Variants in SLC25A12 observed in about 807,000 individuals in gnomAD.
The protein encoded by SLC25A12 is electrogenic aspartate/glutamate antiporter SLC25A12, mitochondrial.
In SLC25A12, 32 loss-of-function variants were observed where a neutral mutation model predicts 83.3. That is an observed-to-expected ratio of 0.38 (90% confidence interval 0.29 to 0.52). The LOEUF (loss-of-function observed/expected upper bound fraction) is 0.52, where lower values mean the gene tolerates loss of function less well. Among genes scored for constraint, SLC25A12 ranks in the 20% least tolerant of loss-of-function variants. The pLI is 0.84. For synonymous variants in SLC25A12, 267 were observed against 291.1 expected, an observed-to-expected ratio of 0.92 and a Z score of 0.84; for missense variants, 611 against 835.6, an observed-to-expected ratio of 0.73 and a Z score of 3.31.
At chr2:171,890,779 A>G (rs1475141514) in intron 2 of SLC25A12, among the ~76,000 whole-genome samples, 1 of 152,108 alleles carries the variant, frequency 6.6e-6, no homozygotes, top group African/African-American at 2.4e-5. Context: ...TACTGCACTC[A>G]GCCTATATTG....
chr2:171,893,798 G>A (rs1183010412), intron 1 of SLC25A12, among the ~76,000 whole-genome samples: 2 of 152,040 alleles, frequency 1.3e-5, no homozygotes, highest in African/African-American at 4.8e-5. Context: ...CGGCCTTATT[G>A]AGGCCCCAAA....
chr2:171,837,180 T>C lies in SLC25A12; in HGVS notation c.553A>G (p.Ile185Val). 1 of 1,614,162 alleles carries C rather than the reference T, an allele frequency of 6.2e-7. No homozygotes were observed. The highest frequency in any genetic ancestry group is 1.7e-5 in the Admixed American group (1 of 60,012). The stretch of plus-strand genomic sequence containing the variant: ...ATGTGAGATCTAATGGTAACCATGA[T>C]GTCACTGAAATCCAGACCAGAAATC... ...GMISGLDFSD[I>V]MVTIRSHMLT... Residue 185 changes from isoleucine to valine, a missense_variant, in exon 6 of 18, where the codon ATC becomes GTC. Ile to Val is a conservative substitution (Grantham distance 29, BLOSUM62 3). Transcript: ENST00000422440.
rs750860357 is a variant in SLC25A12 at position 171,793,630 on chromosome 2, A to G, written c.1443T>C (p.Tyr481=). 1.2e-6 allele frequency: 2 copies of G among 1,614,082 alleles called. No individual in the cohort carries two copies. Among genetic ancestry groups the G allele is most frequent in the East Asian group, 4.5e-5 (2 of 44,870 alleles). Residue 481 remains tyrosine, a synonymous_variant, in exon 14 of 18, where the codon TAT becomes TAC. Transcript: ENST00000422440. ...VLRDLGIFGL[Y]KGAKACFLRD... Reference sequence around the variant, plus strand: ...ATTATAACCTAAACCTACCCACCTTATACAGACCAAAAATTCCCAAGTCCC... The same window carrying G: ...ATTATAACCTAAACCTACCCACCTTGTACAGACCAAAAATTCCCAAGTCCC...
chr2:171,877,072 T>C (rs1685589158), intron 2 of SLC25A12, among the ~76,000 whole-genome samples: 1 of 152,230 alleles, frequency 6.6e-6, no homozygotes, highest in Admixed American at 6.5e-5. Context: ...ATAGTTAGCA[T>C]GTGCTCAGGA....
Position 171,837,153 on chromosome 2 carries a change from G to C in SLC25A12, c.580C>G (p.Leu194Val). Residue 194 changes from leucine to valine, a missense_variant, in exon 6 of 18, where the codon CTT becomes GTT. Coordinates refer to ENST00000422440, the MANE Select transcript of SLC25A12 (RefSeq NM_003705.5). ...AAGTTCTCCTCCACAAAAGGAGTAAGCATGTGAGATCTAATGGTAACCATG... is the reference window on the plus strand; with the variant it reads ...AAGTTCTCCTCCACAAAAGGAGTAACCATGTGAGATCTAATGGTAACCATG... ...DIMVTIRSHM[L>V]TPFVEENLVS... 4 of 1,614,042 alleles carry C rather than the reference G, an allele frequency of 2.5e-6. No homozygotes were observed. Among genetic ancestry groups the C allele is most frequent in the Non-Finnish European group, 3.4e-6 (4 of 1,179,936 alleles).
chr2:171,862,950 AGTGCAGT>A (rs1324929121), intron 3 of SLC25A12, among the ~76,000 whole-genome samples: 10 of 152,160 alleles, frequency 6.6e-5, no homozygotes, highest in Admixed American at 2.0e-4. Flanking sequence ...CTCAGGCTGG[AGTGCAGT>A]GGCTCAGTTA....
intron 13 of SLC25A12, among the ~76,000 whole-genome samples, chr2:171,794,063 C>A (rs974019630): frequency 1.3e-5 from 2 of 151,856 alleles, no homozygotes; most frequent in African/African-American, 4.8e-5. Context: ...TTCAAAATAA[C>A]AAAATAAACC....
At chr2:171,826,350 G>C (rs563808251) in intron 9 of SLC25A12, among the ~76,000 whole-genome samples, 9 of 152,352 alleles carry the variant, frequency 5.9e-5, no homozygotes, top group African/African-American at 1.7e-4. Context: ...GCTCATGCCT[G>C]TAATCCCAGC....
chr2:171,856,451 C>T (rs1219027587), intron 3 of SLC25A12: 1 of 157,646 alleles, frequency 6.3e-6, no homozygotes, highest in African/African-American at 2.4e-5. Flanking sequence ...AACCACTGCT[C>T]TAGAACTATT....
At chr2:171,849,976 G>C (rs1379869715) in intron 4 of SLC25A12, among the ~76,000 whole-genome samples, 1 of 151,324 alleles carries the variant, frequency 6.6e-6, no homozygotes, top group Non-Finnish European at 1.5e-5. Flanking sequence ...TAATTTTTTT[G>C]TATTTTTAGT....
chr2:171,846,312 T>A (rs924396224), intron 4 of SLC25A12, among the ~76,000 whole-genome samples: 8 of 152,086 alleles, frequency 5.3e-5, no homozygotes, highest in Non-Finnish European at 8.8e-5. Context: ...ATGGTAACCT[T>A]TTAAAGGTTA....
intron 15 of SLC25A12, among the ~76,000 whole-genome samples, chr2:171,789,394 A>C (rs1690553493): frequency 6.6e-6 from 1 of 151,374 alleles, no homozygotes; most frequent in Admixed American, 6.6e-5. Context: ...ACGCCCGGCT[A>C]ATTTTTTGTA....
chr2:171,888,170 T>C (rs1193467134), intron 2 of SLC25A12, among the ~76,000 whole-genome samples: 2 of 150,652 alleles, frequency 1.3e-5, no homozygotes, highest in Admixed American at 6.6e-5. Flanking sequence ...TGATAACTCA[T>C]TGTAACCTCG....
chr2:171,874,193 T>C (rs1474976799), intron 2 of SLC25A12, among the ~76,000 whole-genome samples: 1 of 151,866 alleles, frequency 6.6e-6, no homozygotes, highest in South Asian at 2.1e-4. Flanking sequence ...ACCATTACAC[T>C]CCAGCCTGGG....
intron 2 of SLC25A12, among the ~76,000 whole-genome samples, chr2:171,890,639 G>A (rs924258082): frequency 6.6e-6 from 1 of 152,110 alleles, no homozygotes; most frequent in Non-Finnish European, 1.5e-5. Context: ...ATGCCACCAG[G>A]TGTGGCTAAT....
intron 2 of SLC25A12, among the ~76,000 whole-genome samples, chr2:171,878,356 C>T (rs1057351691): frequency 6.6e-6 from 1 of 152,098 alleles, no homozygotes; most frequent in Non-Finnish European, 1.5e-5. Flanking sequence ...ACCTTGAACA[C>T]CAAAGTACTT....
chr2:171,891,178 T>G (rs972199753), intron 2 of SLC25A12, among the ~76,000 whole-genome samples: 5 of 151,846 alleles, frequency 3.3e-5, no homozygotes, highest in African/African-American at 7.3e-5. Context: ...TGGTGGCACA[T>G]GCCTGTAATC....
intron 6 of SLC25A12, 130 bp from the exon 7 acceptor site, chr2:171,834,995 A>C: frequency 1.1e-6 from 1 of 931,708 alleles, no homozygotes; most frequent in Non-Finnish European, 1.7e-6. Flanking sequence ...ACCAGTACAT[A>C]AATACAAGGA....
chr2:171,817,623 A>AAAAAAG (rs1684081952), intron 9 of SLC25A12, among the ~76,000 whole-genome samples: 1 of 149,830 alleles, frequency 6.7e-6, no homozygotes, highest in Non-Finnish European at 1.5e-5. Flanking sequence ...AAAAAAAAAA[A>AAAAAAG]TGTATGTAGA....
Sources: allele counts gnomAD v4.1 joint callset (sites outside exome capture counted in the v4.1 genomes callset), GRCh38; gene constraint gnomAD v4.1.1; transcripts MANE v1.5; gene names NCBI Gene and HGNC (gene_info 2026-07-23, HGNC 2026-07-21).